Variants in TMEM131 observed in about 807,000 individuals in gnomAD.
TMEM131 encodes the protein 2610524E03Rik.
Under a neutral mutation model 211.6 loss-of-function variants are expected in TMEM131, and 66 were observed. The ratio of observed to expected loss-of-function variants is 0.31; its 90% CI spans 0.26 to 0.38. The LOEUF is 0.38. TMEM131 is among the 10% of genes least tolerant of loss of function. The probability of loss-of-function intolerance (pLI) is 1.00; values close to 1 mark genes in which losing one functional copy is unlikely to be tolerated. For missense variants in TMEM131, 2,036 were observed against 2,299.3 expected (o/e 0.89, Z 2.34); for synonymous variants, 844 against 841.3 (o/e 1.00, Z -0.06).
intron 1 of TMEM131, among the ~76,000 whole-genome samples, chr2:97,991,631 A>C (rs1573664498): frequency 1.3e-5 from 2 of 152,200 alleles, no homozygotes; most frequent in Non-Finnish European, 2.9e-5. Flanking sequence ...CTAGGGCACA[A>C]CCAGAACCGA....
intron 10 of TMEM131, among the ~76,000 whole-genome samples, chr2:97,833,860 G>A (rs1002291395): frequency 6.6e-6 from 1 of 151,830 alleles, no homozygotes; most frequent in Admixed American, 6.6e-5. Context: ...ATGGGGTCTC[G>A]TCATGTTGGC....
chr2:97,798,732 C>T (rs186665110), intron 25 of TMEM131, among the ~76,000 whole-genome samples: 256 of 152,346 alleles, frequency 1.7e-3, no homozygotes, highest in Middle Eastern at 0.014. Flanking sequence ...AAAATGTATG[C>T]GTGCGTCAGC....
At chr2:97,879,310 C>G (rs1191496748) in intron 4 of TMEM131, among the ~76,000 whole-genome samples, 1 of 152,174 alleles carries the variant, frequency 6.6e-6, no homozygotes, top group African/African-American at 2.4e-5. Flanking sequence ...GGTGTTAGAG[C>G]AAGTGAATGC....
At chr2:97,904,470 GAATT>G (rs1675987436) in intron 3 of TMEM131, among the ~76,000 whole-genome samples, 1 of 152,022 alleles carries the variant, frequency 6.6e-6, no homozygotes, top group African/African-American at 2.4e-5. Context: ...GAAGATATAA[GAATT>G]ATTTGTACTA....
At chr2:97,899,854 G>A (rs1216958854) in intron 3 of TMEM131, among the ~76,000 whole-genome samples, 2 of 152,006 alleles carry the variant, frequency 1.3e-5, no homozygotes, top group African/African-American at 4.8e-5. Context: ...TTGAGCTAAT[G>A]CATGCATTAC....
chr2:97,834,573 TAAAA>T, intron 10 of TMEM131, 44 bp downstream of exon 10: 5 of 1,271,456 alleles, frequency 3.9e-6, no homozygotes, highest in Non-Finnish European at 5.3e-6. Flanking sequence ...ATACAGGGGT[TAAAA>T]AAAAAAAAAA....
intron 1 of TMEM131, among the ~76,000 whole-genome samples, chr2:97,946,100 T>A (rs1678024814): frequency 6.6e-6 from 1 of 152,116 alleles, no homozygotes; most frequent in South Asian, 2.1e-4. Context: ...GCAGGGATTT[T>A]ATCTTGCATT....
chr2:97,757,437 T>C lies in TMEM131; in HGVS notation c.5368-54A>G, dbSNP rs556626952. ...TGAGCCCGGCAGGCAGAGGGTCAAG[T>C]GGGTAAGGGGGTAAGGCTACAGAAA... On this transcript the variant is annotated intron_variant, in intron 40 of 40. Transcript: ENST00000186436. The C allele has an allele frequency of 1.5e-4, 233 of 1,525,874 alleles. 2 individuals are homozygous for C. The South Asian group carries it at 2.6e-3, about 17-fold the overall frequency. 94.5% of individuals were successfully genotyped at this position (1,525,874 alleles called of 1,614,324 possible).
At chr2:97,925,230 A>G (rs1676932546) in intron 2 of TMEM131, among the ~76,000 whole-genome samples, 1 of 152,160 alleles carries the variant, frequency 6.6e-6, no homozygotes, top group Admixed American at 6.5e-5. Context: ...GGTTTATTAA[A>G]TTATGCTTGT....
At chr2:97,951,280 G>GA (rs1678301366) in intron 1 of TMEM131, among the ~76,000 whole-genome samples, 1 of 152,238 alleles carries the variant, frequency 6.6e-6, no homozygotes, top group Non-Finnish European at 1.5e-5. Context: ...AAGCCCCTGT[G>GA]ATGGTAATAT....
chr2:97,906,204 T>G (rs1478282714), intron 3 of TMEM131, among the ~76,000 whole-genome samples: 1 of 152,172 alleles, frequency 6.6e-6, no homozygotes, highest in Admixed American at 6.5e-5. Context: ...CCTCTAGAAC[T>G]GTGAGAAATA....
intron 8 of TMEM131, among the ~76,000 whole-genome samples, chr2:97,835,480 C>T (rs1428012759): frequency 6.6e-5 from 10 of 152,096 alleles, no homozygotes; most frequent in Non-Finnish European, 1.3e-4. Context: ...TTTTCAGTCC[C>T]GTAATGAGAG....
At chr2:97,816,064 G>A (rs1417378645) in intron 12 of TMEM131, among the ~76,000 whole-genome samples, 1 of 152,088 alleles carries the variant, frequency 6.6e-6, no homozygotes, top group African/African-American at 2.4e-5. Context: ...ATCCTGGCTG[G>A]GTGCAGTGCC....
intron 1 of TMEM131, among the ~76,000 whole-genome samples, chr2:97,941,679 C>T (rs1677737876): frequency 6.6e-6 from 1 of 152,184 alleles, no homozygotes; most frequent in Non-Finnish European, 1.5e-5. Flanking sequence ...TGAACAGGCA[C>T]TTCTCAAAAG....
chr2:97,857,604 C>T (rs1453473082), intron 5 of TMEM131, among the ~76,000 whole-genome samples: 1 of 152,144 alleles, frequency 6.6e-6, no homozygotes. Flanking sequence ...GCCCTTTAAC[C>T]TAACCTGTCT....
chr2:97,925,716 C>T (rs1559452094), intron 2 of TMEM131, among the ~76,000 whole-genome samples: 1 of 152,000 alleles, frequency 6.6e-6, no homozygotes. Flanking sequence ...CCTAATTTTC[C>T]TTATCTAAAA....
chr2:97,986,848 T>C (rs764790428), intron 1 of TMEM131, among the ~76,000 whole-genome samples: 1 of 152,254 alleles, frequency 6.6e-6, no homozygotes, highest in Admixed American at 6.5e-5. Flanking sequence ...TACCCTCTCT[T>C]GTACACTGCT....
intron 22 of TMEM131, among the ~76,000 whole-genome samples, chr2:97,803,501 A>G (rs1206097362): frequency 6.6e-6 from 1 of 152,216 alleles, no homozygotes; most frequent in Admixed American, 6.5e-5. Context: ...CCAAAGACAC[A>G]ATATTATAAA....
chr2:97,947,320 C>A (rs1405853189), intron 1 of TMEM131, among the ~76,000 whole-genome samples: 1 of 151,966 alleles, frequency 6.6e-6, no homozygotes, highest in African/African-American at 2.4e-5. Context: ...TCTCCTATAA[C>A]ACCTATAAAA....
Sources: gnomAD v4.1 joint callset for allele counts (sites outside exome capture counted in the v4.1 genomes callset) on GRCh38, gnomAD v4.1.1 for gene constraint, MANE v1.5 for transcripts, NCBI Gene and HGNC (gene_info 2026-07-23, HGNC 2026-07-21) for gene names.